Variants in USP4 observed in about 807,000 individuals in gnomAD.
The protein encoded by USP4 is ubiquitin specific peptidase 4.
USP4 carries 72 observed loss-of-function variants against 118.2 expected under a neutral mutation model. The ratio of observed to expected loss-of-function variants is 0.61; its 90% CI spans 0.50 to 0.74. The LOEUF is 0.74. Among genes scored for constraint, USP4 ranks in the 30% least tolerant of loss-of-function variants. The probability of loss-of-function intolerance (pLI) is 0.00; values close to 1 mark genes in which losing one functional copy is unlikely to be tolerated. For synonymous variants in USP4, 415 were observed against 440.4 expected, an observed-to-expected ratio of 0.94 and a Z score of 0.72; for missense variants, 1,037 against 1,185.7, an observed-to-expected ratio of 0.87 and a Z score of 1.84.
chr3:49,278,319 C>A lies in USP4; in HGVS notation c.2866G>T (p.Glu956Ter). ...TAGTTGGTGTCCATGCTGCAAGCCT[C>A]ATCATCCCCAAAGCCCTGCTGAGAG... Reference protein sequence around the residue: ...SSSQQGFGDDEACSMDTN With the variant: ...SSSQQGFGDD The change falls in exon 22 of 22, where the codon GAG (glutamate) becomes TAG (stop). Residue 956 changes from glutamate (E) to a stop codon, truncating the protein, a stop_gained. Transcript: ENST00000265560. LOFTEE classifies it high-confidence loss of function. 1 of 1,614,030 alleles carries A rather than the reference C, an allele frequency of 6.2e-7. No homozygotes were observed.
chr3:49,292,568 C>T lies in USP4; in HGVS notation c.1914G>A (p.Glu638=). 5 of 1,600,650 alleles carry T rather than the reference C, an allele frequency of 3.1e-6. No homozygotes were observed. Among genetic ancestry groups the T allele is most frequent in the Non-Finnish European group, 4.3e-6 (5 of 1,173,096 alleles). The change falls in exon 15 of 22, where the codon GAG becomes GAA. Residue 638 remains glutamate (E), a synonymous_variant. Transcript: ENST00000265560. ...CTGGCTCCAAGGGTGAGCTGCCAAA[C>T]TCATCAGGTAAAGGCTGTTTCACAT... ...SRYVKQPLPD[E]FGSSPLEPGA... is the part of the protein sequence containing the mutation.
intron 13 of USP4, among the ~76,000 whole-genome samples, chr3:49,297,317 T>C (rs1355470342): frequency 6.6e-6 from 1 of 152,174 alleles, no homozygotes; most frequent in Non-Finnish European, 1.5e-5. Flanking sequence ...TGAAGCAGCA[T>C]GTGGGAAGGC....
intron 8 of USP4, among the ~76,000 whole-genome samples, chr3:49,310,391 C>A (rs187824682): frequency 1.3e-4 from 20 of 152,138 alleles, no homozygotes; most frequent in Non-Finnish European, 2.4e-4. Flanking sequence ...TCAAAATAAT[C>A]TTACTATAAA....
At chr3:49,326,737 C>G (rs2047559708) in intron 3 of USP4, among the ~76,000 whole-genome samples, 1 of 141,572 alleles carries the variant, frequency 7.1e-6, no homozygotes, top group Admixed American at 7.6e-5. Flanking sequence ...GAGTCTCACT[C>G]TGTTGCCAGG....
At chr3:49,322,086 A>G (rs1405792793) in intron 6 of USP4, among the ~76,000 whole-genome samples, 1 of 152,168 alleles carries the variant, frequency 6.6e-6, no homozygotes, top group Non-Finnish European at 1.5e-5. Context: ...CTGACCAAGA[A>G]ACAGGACACC....
At chr3:49,278,932 C>G in intron 20 of USP4, 30 bp from the exon 21 acceptor site, 1 of 1,494,908 alleles carries the variant, frequency 6.7e-7, no homozygotes, top group Admixed American at 1.8e-5. Flanking sequence ...AATACTCTAG[C>G]GGTCTCCAGA....
At chr3:49,290,270 C>G (rs1271663228) in intron 15 of USP4, among the ~76,000 whole-genome samples, 1 of 152,088 alleles carries the variant, frequency 6.6e-6, no homozygotes, top group Non-Finnish European at 1.5e-5. Flanking sequence ...CAAAACTAGC[C>G]AAGTGTGGTG....
At chr3:49,339,897 T>C (rs375106188) in intron 1 of USP4, 27 bp downstream of exon 1, 40 of 1,598,966 alleles carry the variant, frequency 2.5e-5, no homozygotes, top group East Asian at 6.7e-5. Flanking sequence ...TGGTTCTGCA[T>C]AGAGGAAGAG....
At chr3:49,311,175 AC>A (rs931333115) in intron 7 of USP4, among the ~76,000 whole-genome samples, 12 of 98,902 alleles carry the variant, frequency 1.2e-4, no homozygotes, top group African/African-American at 3.4e-4. Context: ...AGAAAGGATC[AC>A]GGCCATCCAC....
chr3:49,294,728 T>A (rs1359222925), intron 13 of USP4, 130 bp from the exon 14 acceptor site: 2 of 868,212 alleles, frequency 2.3e-6, no homozygotes, highest in Non-Finnish European at 3.5e-6. Flanking sequence ...AAAAGGTGGC[T>A]ATAACTATTG....
intron 13 of USP4, among the ~76,000 whole-genome samples, chr3:49,295,874 G>C (rs1228306458): frequency 1.3e-5 from 2 of 152,086 alleles, no homozygotes; most frequent in East Asian, 3.9e-4. Context: ...AGGCCTTGGA[G>C]TGCACCTGCC....
chr3:49,286,148 G>A lies in USP4; in HGVS notation c.2150C>T (p.Thr717Ile), dbSNP rs1038729264. ...AGCTGCAAGTGAATTTATGTCAGCT[G>A]TTCCATAGGAGTTCACAAGACTGAA... The part of the protein sequence containing the change: ...FTFSLVNSYG[T>I]ADINSLAADG... Residue 717 changes from threonine to isoleucine, a missense_variant, in exon 16 of 22, where the codon ACA (threonine) becomes ATA (isoleucine). Around this residue, in one of 3 missense-constraint regions of USP4, gnomAD observed 522 missense variants for 592.6 expected, o/e 0.88. Transcript: ENST00000265560. The A allele has an allele frequency of 3.2e-5, 52 of 1,614,076 alleles. No individual in the cohort carries two copies. The highest frequency in any genetic ancestry group is 4.1e-5 in the Non-Finnish European group (48 of 1,180,032).
At position 49,305,701 on chromosome 3, in the gene USP4, A is replaced by G. The variant is rs575559863; in HGVS notation, c.1128+14T>C. The G allele has an allele frequency of 3.5e-5, 56 of 1,589,218 alleles. 1 individual carries two copies. In the East Asian group the frequency reaches 4.7e-4, roughly 13 times the overall value. ...ACAGGGATACCCAACCCATATATAT[A>G]TATGTCTACCTACTTTGAACATGCG... On this transcript the variant is annotated intron_variant, in intron 9 of 21. Coordinates refer to ENST00000265560, the MANE Select transcript of USP4 (RefSeq NM_003363.4).
chr3:49,329,867 C>T (rs994390180), intron 2 of USP4, among the ~76,000 whole-genome samples: 2 of 152,084 alleles, frequency 1.3e-5, no homozygotes, highest in East Asian at 1.9e-4. Flanking sequence ...AAATCAGGCA[C>T]GCTGGCTCAG....
rs1233288648 is a variant in USP4, at chr3:49,277,231, G to T, written c.*1062C>A. 1.5e-6 allele frequency: 2 copies of T among 1,316,306 alleles called. No individual in the cohort carries two copies. Among genetic ancestry groups the T allele is most frequent in the Non-Finnish European group, 2.0e-6 (2 of 1,006,776 alleles). 81.5% of individuals were successfully genotyped at this position (1,316,306 alleles called of 1,614,324 possible). On this transcript the variant is annotated 3_prime_UTR_variant, in exon 22 of 22. Coordinates refer to ENST00000265560, the MANE Select transcript of USP4 (RefSeq NM_003363.4). Reference sequence around the variant, plus strand: ...CCCATCCAACGGTCATCGCATGCGCGTGCCCCGCGCAGGCCCCAAACCCCC... The same window carrying T: ...CCCATCCAACGGTCATCGCATGCGCTTGCCCCGCGCAGGCCCCAAACCCCC...
At chr3:49,304,914 C>A (rs1181900282) in intron 9 of USP4, among the ~76,000 whole-genome samples, 1 of 151,960 alleles carries the variant, frequency 6.6e-6, no homozygotes, top group Non-Finnish European at 1.5e-5. Context: ...CAGGTGCGCA[C>A]CACCACGCCT....
intron 17 of USP4, 62 bp downstream of exon 17, chr3:49,284,787 G>A (rs368427533): frequency 1.5e-5 from 22 of 1,478,320 alleles, no homozygotes; most frequent in Middle Eastern, 1.7e-4. Context: ...GAAAGTGATC[G>A]CAGTCCACAT....
intron 8 of USP4, among the ~76,000 whole-genome samples, chr3:49,310,222 G>A (rs571894697): frequency 4.6e-5 from 7 of 152,162 alleles, no homozygotes; most frequent in Admixed American, 2.0e-4. Flanking sequence ...ACTGCGCCCG[G>A]CTGGGACAGC....
chr3:49,335,463 C>G lies in USP4; in HGVS notation c.229+6G>C. The G allele has an allele frequency of 6.2e-7, 1 of 1,614,172 alleles. No homozygotes were observed. The highest frequency in any genetic ancestry group is 8.5e-7 in the Non-Finnish European group (1 of 1,180,034). On this transcript the variant is annotated splice_donor_region_variant and intron_variant, in intron 2 of 21. Coordinates refer to ENST00000265560, the MANE Select transcript of USP4 (RefSeq NM_003363.4). ...TGTTTAGCTAGAAAAGCAACATTTA[C>G]TATACCTGAAAATAGCCCAGAGTTG...
Sources: allele counts gnomAD v4.1 joint callset (sites outside exome capture counted in the v4.1 genomes callset), GRCh38; gene constraint gnomAD v4.1.1; regional missense constraint gnomAD v4.1.1; transcripts MANE v1.5; gene names NCBI Gene and HGNC (gene_info 2026-07-23, HGNC 2026-07-21).